BBS12: variants seen among roughly 807,000 people sequenced by gnomAD.
BBS12 encodes Bardet-Biedl syndrome 12.
A neutral mutation model predicts 5.6 loss-of-function variants in BBS12; 5 were observed. That is an observed-to-expected ratio of 0.89 (90% confidence interval 0.46 to 1.86). The LOEUF is 1.86. Among genes scored for constraint, BBS12 ranks in the 40% most tolerant of loss-of-function variants. The probability of loss-of-function intolerance (pLI) is 0.01; values close to 1 mark genes in which losing one functional copy is unlikely to be tolerated. For synonymous variants in BBS12, 308 were observed against 306.8 expected (o/e 1.00, Z -0.04); for missense variants, 748 against 830.4 (o/e 0.90, Z 1.22).
chr4:122,718,216 T>G, the BBS12 span, among the ~76,000 whole-genome samples: 1 of 152,152 alleles, frequency 6.6e-6, no homozygotes, highest in Non-Finnish European at 1.5e-5. Flanking sequence ...TGAAAGATTT[T>G]AATCCAACCT....
the BBS12 span, among the ~76,000 whole-genome samples, chr4:122,705,918 AACTG>A: frequency 1.3e-5 from 2 of 152,216 alleles, no homozygotes; most frequent in African/African-American, 4.8e-5. Context: ...CCCAAAATAT[AACTG>A]ACTGATATCA....
rs2150735912 is a variant in BBS12, at chr4:122,742,021, A to G, written c.129A>G (p.Glu43=). The change falls in exon 2 of 2, where the codon GAA becomes GAG. Residue 43 remains glutamate, a synonymous_variant. Transcript: ENST00000314218. The part of the protein sequence containing the change: ...LKSSKFIIDE[E]CHESVLISST... ...CATCCAAATTTATTATAGATGAAGA[A>G]TGTCATGAAAGTGTATTAATCAGTT... 6.2e-7 allele frequency: 1 copy of G among 1,613,806 alleles called. No individual in the cohort carries two copies. Among genetic ancestry groups the G allele is most frequent in the Non-Finnish European group, 8.5e-7 (1 of 1,179,722 alleles).
chr4:122,727,649 G>A, the BBS12 span, among the ~76,000 whole-genome samples: 1 of 144,366 alleles, frequency 6.9e-6, no homozygotes, highest in African/African-American at 2.6e-5. Flanking sequence ...CGCCTCCGGG[G>A]TTCAAAAATT....
At chr4:122,725,763 T>G in the BBS12 span, among the ~76,000 whole-genome samples, 75 of 151,910 alleles carry the variant, frequency 4.9e-4, 1 homozygote, top group Admixed American at 4.6e-3. Context: ...CTGGGTGTGG[T>G]GGCACGAGCC....
At chr4:122,718,858 A>G in the BBS12 span, among the ~76,000 whole-genome samples, 1 of 152,050 alleles carries the variant, frequency 6.6e-6, no homozygotes, top group African/African-American at 2.4e-5. Flanking sequence ...TCGCTCTGTC[A>G]CCCAGGCTGG....
the BBS12 span, among the ~76,000 whole-genome samples, chr4:122,703,422 G>A: frequency 6.6e-6 from 1 of 152,192 alleles, no homozygotes; most frequent in African/African-American, 2.4e-5. Flanking sequence ...AATAGCTGTA[G>A]TCCCAGCTTC....
intron 1 of BBS12, among the ~76,000 whole-genome samples, chr4:122,741,184 TTTG>T (rs1405144952): frequency 2.6e-5 from 4 of 152,086 alleles, no homozygotes; most frequent in Non-Finnish European, 5.9e-5. Flanking sequence ...CATGTTTTTT[TTTG>T]TTGTTGTTGT....
At chr4:122,726,114 A>C in the BBS12 span, among the ~76,000 whole-genome samples, 1 of 152,134 alleles carries the variant, frequency 6.6e-6, no homozygotes, top group Non-Finnish European at 1.5e-5. Context: ...CAGCAAAAGG[A>C]ACAGTCAGCA....
the BBS12 span, among the ~76,000 whole-genome samples, chr4:122,710,666 T>C: frequency 6.6e-6 from 1 of 151,660 alleles, no homozygotes; most frequent in Non-Finnish European, 1.5e-5. Context: ...CACACAAATG[T>C]AAAATTCCCT....
chr4:122,728,593 G>A (rs561677814), upstream of BBS12: 3 of 152,252 alleles, frequency 2.0e-5, no homozygotes, highest in East Asian at 5.8e-4. Context: ...ACCATTTGAA[G>A]GCTAACATTT....
the BBS12 span, among the ~76,000 whole-genome samples, chr4:122,714,221 G>C: frequency 6.6e-6 from 1 of 152,154 alleles, no homozygotes; most frequent in Non-Finnish European, 1.5e-5. Flanking sequence ...CACAGTGTGT[G>C]GCCACCTACA....
the BBS12 span, among the ~76,000 whole-genome samples, chr4:122,719,617 G>C: frequency 1.3e-5 from 2 of 151,850 alleles, no homozygotes; most frequent in Non-Finnish European, 2.9e-5. Flanking sequence ...GGTCTGCGGC[G>C]TCACTCCTGA....
chr4:122,733,798 A>G (rs1191107613), intron 1 of BBS12: 1 of 148,372 alleles, frequency 6.7e-6, no homozygotes. Context: ...TAGAGGAAAT[A>G]TTTTCTAAAA....
At chr4:122,738,475 G>C (rs1446990143) in intron 1 of BBS12, among the ~76,000 whole-genome samples, 1 of 152,190 alleles carries the variant, frequency 6.6e-6, no homozygotes, top group African/African-American at 2.4e-5. Context: ...CTCCCAAAGT[G>C]CTGGGATTAC....
At chr4:122,705,249 C>T in the BBS12 span, among the ~76,000 whole-genome samples, 15 of 152,252 alleles carry the variant, frequency 9.9e-5, no homozygotes, top group Admixed American at 2.6e-4. Context: ...CCCTCAGACA[C>T]GTGAGTCATA....
the BBS12 span, among the ~76,000 whole-genome samples, chr4:122,727,587 T>A: frequency 5.1e-5 from 6 of 117,432 alleles, 1 homozygote; most frequent in Admixed American, 6.1e-4. Context: ...TCTCACTCAC[T>A]CTGTTGCCCA....
rs139752408 is a variant in BBS12 at position 122,744,109 on chromosome 4, C to A, written c.*84C>A. On this transcript the variant is annotated 3_prime_UTR_variant, in exon 2 of 2. Coordinates refer to ENST00000314218, the MANE Select transcript of BBS12 (RefSeq NM_152618.3). ...TATATTGATAGCCAAGTCATGGTGC[C>A]TAAAATGCCAGCTATTGCCAAGAAG... 1.8e-4 allele frequency: 258 copies of A among 1,405,034 alleles called. 3 individuals carry two copies. In the African/African-American group the frequency reaches 2.9e-3, roughly 16 times the overall value. 87.0% of individuals were successfully genotyped at this position (1,405,034 alleles called of 1,614,324 possible). A position where few individuals can be genotyped will look rare whatever the true frequency, so the allele number is the denominator to read the frequency against.
chr4:122,719,170 T>C, the BBS12 span, among the ~76,000 whole-genome samples: 1 of 152,154 alleles, frequency 6.6e-6, no homozygotes, highest in African/African-American at 2.4e-5. Context: ...GCTGGGCTTC[T>C]GGGTCAGGTG....
At chr4:122,736,282 T>C (rs539297453) in intron 1 of BBS12, among the ~76,000 whole-genome samples, 5 of 152,272 alleles carry the variant, frequency 3.3e-5, no homozygotes, top group African/African-American at 7.2e-5. Context: ...GTCAAAGGCA[T>C]AAAGCTTTAT....
Sources: allele counts gnomAD v4.1 joint callset (sites outside exome capture counted in the v4.1 genomes callset), GRCh38; gene constraint gnomAD v4.1.1; transcripts MANE v1.5; gene names NCBI Gene and HGNC (gene_info 2026-07-23, HGNC 2026-07-21).